The following CAMK4 variants were observed in gnomAD, a reference collection of about 807,000 sequenced individuals.
CAMK4 encodes the protein calcium/calmodulin dependent protein kinase IV.
Under a neutral mutation model 44.9 loss-of-function variants are expected in CAMK4, and 22 were observed. The observed-to-expected ratio is 0.49, with a 90% CI of 0.35 to 0.70. The LOEUF (loss-of-function observed/expected upper bound fraction) is 0.70, where lower values mean the gene tolerates loss of function less well. CAMK4 is among the 30% of genes least tolerant of loss of function. The probability of loss-of-function intolerance (pLI) is 0.01; values close to 1 mark genes in which losing one functional copy is unlikely to be tolerated. For synonymous variants in CAMK4, 218 were observed against 215.4 expected, an observed-to-expected ratio of 1.01 and a Z score of -0.11; for missense variants, 498 against 586.8, an observed-to-expected ratio of 0.85 and a Z score of 1.56.
intron 1 of CAMK4, among the ~76,000 whole-genome samples, chr5:111,296,922 A>C (rs1243200084): frequency 3.3e-5 from 5 of 152,240 alleles, no homozygotes; most frequent in Non-Finnish European, 7.3e-5. Context: ...AATCAAGAAA[A>C]TGGTTTTATG....
intron 1 of CAMK4, among the ~76,000 whole-genome samples, chr5:111,287,932 TCTC>T (rs1164200902): frequency 2.0e-5 from 3 of 152,202 alleles, no homozygotes; most frequent in African/African-American, 4.8e-5. Flanking sequence ...TGGCAGGCCT[TCTC>T]CTAATCATAT....
chr5:111,344,158 C>G (rs1021331475), intron 2 of CAMK4, 56 bp downstream of exon 2: 9 of 1,035,024 alleles, frequency 8.7e-6, no homozygotes, highest in Admixed American at 1.9e-5. Flanking sequence ...CTGGAGAAGG[C>G]AGGAACCTGA....
In CAMK4 at chr5:111,252,438, C is replaced by A. The variant is rs117821127; in HGVS notation, c.161+27794C>A. On this transcript the variant is annotated intron_variant, in intron 1 of 10. Coordinates refer to ENST00000282356, the MANE Select transcript of CAMK4 (RefSeq NM_001744.6). Reference sequence around the variant, plus strand: ...CTTCCTTGGGCTTTTATGATATGACCAGCATTTTCTTACATATTTTCTATA... The same window carrying A: ...CTTCCTTGGGCTTTTATGATATGACAAGCATTTTCTTACATATTTTCTATA... Among the ~76,000 whole-genome samples, 55 of 152,132 alleles carry A rather than the reference C, an allele frequency of 3.6e-4. No individual in the cohort carries two copies. In the East Asian group the frequency reaches 8.7e-3, roughly 24 times the overall value.
intron 7 of CAMK4, among the ~76,000 whole-genome samples, chr5:111,472,264 A>G (rs1755091282): frequency 6.6e-6 from 1 of 152,144 alleles, no homozygotes; most frequent in South Asian, 2.1e-4. Flanking sequence ...AATCCTGTTT[A>G]CTTGCATTCC....
At chr5:111,279,824 G>T (rs1453086636) in intron 1 of CAMK4, among the ~76,000 whole-genome samples, 3 of 152,080 alleles carry the variant, frequency 2.0e-5, no homozygotes, top group African/African-American at 7.2e-5. Flanking sequence ...TGTGTCCTTT[G>T]TGCCTGCCCC....
chr5:111,380,796 C>CA (rs1190790080), intron 4 of CAMK4, among the ~76,000 whole-genome samples: 1 of 151,974 alleles, frequency 6.6e-6, no homozygotes, highest in African/African-American at 2.4e-5. Context: ...TGTTACCTTC[C>CA]AAAAAAGGAG....
chr5:111,401,027 C>T (rs1411042917), intron 5 of CAMK4, among the ~76,000 whole-genome samples: 1 of 152,272 alleles, frequency 6.6e-6, no homozygotes. Context: ...AGCCTTTCTT[C>T]CCTTTTTCTA....
chr5:111,283,323 T>G (rs1751100178), intron 1 of CAMK4, among the ~76,000 whole-genome samples: 1 of 152,214 alleles, frequency 6.6e-6, no homozygotes, highest in Non-Finnish European at 1.5e-5. Flanking sequence ...TCTGTGCATA[T>G]AGAAAGGAAA....
At chr5:111,298,986 C>T (rs1442470888) in intron 1 of CAMK4, among the ~76,000 whole-genome samples, 1 of 152,214 alleles carries the variant, frequency 6.6e-6, no homozygotes, top group Non-Finnish European at 1.5e-5. Flanking sequence ...CTATGCTGGG[C>T]CCTCAGTCAT....
At chr5:111,421,080 C>T (rs1008249606) in intron 5 of CAMK4, among the ~76,000 whole-genome samples, 8 of 152,110 alleles carry the variant, frequency 5.3e-5, no homozygotes, top group Non-Finnish European at 1.0e-4. Flanking sequence ...GTAAAGACAG[C>T]CATAAGAAAT....
In CAMK4 at chr5:111,341,350, G is replaced by T. The variant is rs537554853; in HGVS notation, c.162-2674G>T. Among the ~76,000 whole-genome samples the T allele has an allele frequency of 1.2e-4, 18 of 151,028 alleles. No homozygotes were observed. The South Asian group carries it at 3.5e-3, about 30-fold the overall frequency. On this transcript the variant is annotated intron_variant, in intron 1 of 10. Transcript: ENST00000282356. Reference sequence around the variant, plus strand: ...TTCCTGGTTTTGCATTTCTATCTGTGATCCATTTTGAGTAATTTTTTAATA... The same window carrying T: ...TTCCTGGTTTTGCATTTCTATCTGTTATCCATTTTGAGTAATTTTTTAATA...
At chr5:111,366,861 T>G (rs114821337) in intron 2 of CAMK4, among the ~76,000 whole-genome samples, 3,519 of 152,088 alleles carry the variant, frequency 0.023, 63 homozygotes, top group Non-Finnish European at 0.037. Flanking sequence ...ATTTTAAATT[T>G]TTTTCTGTGT....
Position 111,473,318 on chromosome 5 carries a change from A to G in CAMK4, c.633A>G (p.Glu211=). Residue 211 remains glutamate, a synonymous_variant, in exon 8 of 11, where the codon GAA becomes GAG. Transcript: ENST00000282356. ...VCGTPGYCAP[E]ILRGCAYGPE... ...TTTTCACTTTTTCTGCAGCACCTGA[A>G]ATTCTTAGAGGTTGTGCCTATGGAC... 6.2e-7 allele frequency: 1 copy of G among 1,610,116 alleles called. No homozygotes were observed. The highest frequency in any genetic ancestry group is 8.5e-7 in the Non-Finnish European group (1 of 1,176,672).
intron 1 of CAMK4, among the ~76,000 whole-genome samples, chr5:111,301,631 C>T (rs1034391875): frequency 6.6e-6 from 1 of 152,178 alleles, no homozygotes; most frequent in South Asian, 2.1e-4. Flanking sequence ...GTCTGGATAA[C>T]ATAAAATAAT....
chr5:111,373,594 G>T lies in CAMK4; in HGVS notation c.241-1256G>T, dbSNP rs531516996. The stretch of plus-strand genomic sequence containing the variant: ...TCTGTCGTCTTGAAAGTTGTGATTG[G>T]TTATCACCATTGATATGCGCTTGGA... On this transcript the variant is annotated intron_variant, in intron 2 of 10. Transcript: ENST00000282356. Among the ~76,000 whole-genome samples the T allele has an allele frequency of 3.3e-4, 50 of 152,122 alleles. No individual in the cohort carries two copies. In the East Asian group the frequency reaches 9.3e-3, roughly 28 times the overall value.
intron 1 of CAMK4, among the ~76,000 whole-genome samples, chr5:111,339,742 T>C (rs1181168717): frequency 6.6e-6 from 1 of 151,316 alleles, no homozygotes; most frequent in Non-Finnish European, 1.5e-5. Flanking sequence ...TTTCGGAATT[T>C]TTTTTTACTT....
At chr5:111,433,611 G>A (rs1753539632) in intron 5 of CAMK4, among the ~76,000 whole-genome samples, 1 of 152,124 alleles carries the variant, frequency 6.6e-6, no homozygotes, top group Admixed American at 6.5e-5. Flanking sequence ...CCTCTGGATG[G>A]GGAAGTGGTA....
At chr5:111,238,695 C>T (rs559583495) in intron 1 of CAMK4, among the ~76,000 whole-genome samples, 1 of 149,276 alleles carries the variant, frequency 6.7e-6, no homozygotes, top group South Asian at 2.2e-4. Flanking sequence ...TCTCAGATGC[C>T]TGACATTTCC....
At chr5:111,481,344 A>T (rs1048196168) in intron 9 of CAMK4, among the ~76,000 whole-genome samples, 1 of 152,170 alleles carries the variant, frequency 6.6e-6, no homozygotes, top group Admixed American at 6.5e-5. Flanking sequence ...CATGACTACT[A>T]TCAGATTTTT....
Sources: gnomAD v4.1 joint callset for allele counts (sites outside exome capture counted in the v4.1 genomes callset) on GRCh38, gnomAD v4.1.1 for gene constraint, MANE v1.5 for transcripts, NCBI Gene and HGNC (gene_info 2026-07-23, HGNC 2026-07-21) for gene names.